Variants in XXYLT1 observed in about 807,000 individuals in gnomAD.
XXYLT1 encodes xyloside xylosyltransferase 1, also known as UDP-xylose:alpha-xyloside alpha-1,3-xylosyltransferase.
XXYLT1 carries 20 observed loss-of-function variants against 28.9 expected under a neutral mutation model. That is an observed-to-expected ratio of 0.69 (90% CI 0.49 to 1.00). The LOEUF is 1.00. Among genes scored for constraint, XXYLT1 ranks in the 50% least tolerant of loss-of-function variants. XXYLT1 has a pLI of 0.00. For missense variants in XXYLT1, 542 were observed against 560.1 expected (o/e 0.97, Z 0.33); for synonymous variants, 257 against 253.8 (o/e 1.01, Z -0.12).
intron 2 of XXYLT1, among the ~76,000 whole-genome samples, chr3:195,202,228 C>T (rs1722889622): frequency 6.6e-6 from 1 of 152,146 alleles, no homozygotes; most frequent in African/African-American, 2.4e-5. Flanking sequence ...GACTTGGTCT[C>T]TGGAGCACTG....
At chr3:195,116,895 T>C (rs1718070612) in intron 3 of XXYLT1, among the ~76,000 whole-genome samples, 1 of 151,950 alleles carries the variant, frequency 6.6e-6, no homozygotes, top group Non-Finnish European at 1.5e-5. Context: ...GATAATCCTA[T>C]ACAATAATGC....
chr3:195,211,907 T>A (rs1365541634), intron 2 of XXYLT1, among the ~76,000 whole-genome samples: 4 of 141,048 alleles, frequency 2.8e-5, no homozygotes, highest in Middle Eastern at 4.0e-3. Flanking sequence ...AGCCACAGAA[T>A]GCCACCAGGA....
At chr3:195,083,697 T>C (rs1715563345) in intron 3 of XXYLT1, among the ~76,000 whole-genome samples, 1 of 152,182 alleles carries the variant, frequency 6.6e-6, no homozygotes. Flanking sequence ...CAGTATTATT[T>C]CCATTTTACG....
chr3:195,133,312 A>C lies in XXYLT1; in HGVS notation c.785+23137T>G, dbSNP rs1297617572. ...TGGAGTACCAGCAGCTGACATCGGC[A>C]GGTGGATAACTGAGCCAGCCCTTGG... On this transcript the variant is annotated intron_variant, in intron 3 of 3. Transcript: ENST00000310380. The surrounding 1 kb of genome is among the most constrained non-coding windows in gnomAD (Gnocchi z 4.4). 6.6e-6 allele frequency among the ~76,000 whole-genome samples: 1 copy of C among 152,188 alleles called. No individual in the cohort carries two copies. The highest frequency in any genetic ancestry group is 1.5e-5 in the Non-Finnish European group (1 of 68,042).
chr3:195,182,530 C>G (rs371278819), intron 2 of XXYLT1, among the ~76,000 whole-genome samples: 2 of 152,180 alleles, frequency 1.3e-5, no homozygotes, highest in Non-Finnish European at 2.9e-5. Flanking sequence ...ACTCACTAGA[C>G]GAGCACAGTG....
intron 2 of XXYLT1, among the ~76,000 whole-genome samples, chr3:195,185,772 A>G (rs1218142757): frequency 6.6e-6 from 1 of 151,894 alleles, no homozygotes; most frequent in African/African-American, 2.4e-5. Flanking sequence ...CTTGCAAGTG[A>G]GCCCAACCCT....
chr3:195,260,105 A>C (rs562252324), intron 1 of XXYLT1: 1 of 73,712 alleles, frequency 1.4e-5, no homozygotes, highest in South Asian at 6.6e-4. Context: ...GGGCGGGGCT[A>C]GAGGAGGAAA....
intron 3 of XXYLT1, among the ~76,000 whole-genome samples, chr3:195,097,471 G>A (rs959281994): frequency 6.6e-6 from 1 of 152,160 alleles, no homozygotes; most frequent in Non-Finnish European, 1.5e-5. Context: ...TGCAAGCACT[G>A]TTGTGTTTAT....
rs1401965786 is a variant in XXYLT1, at chr3:195,109,898, GGGTGTGTGT to G, written c.786-39796_786-39788del. On this transcript the variant is annotated intron_variant, in intron 3 of 3. Coordinates refer to ENST00000310380, the MANE Select transcript of XXYLT1 (RefSeq NM_152531.5). ...GTGTGCATGTGTGTGGGTGAGGTGT[GGGTGTGTGT>G]GGTGTGTGTGGGGGTATATGTGTGT... Among the ~76,000 whole-genome samples the G allele has an allele frequency of 1.5e-4, 9 of 59,508 alleles. 2 individuals carry two copies. The South Asian group carries it at 2.6e-3, about 17-fold the overall frequency. 39.0% of individuals were successfully genotyped at this position (59,508 alleles called of 152,430 possible).
intron 3 of XXYLT1, among the ~76,000 whole-genome samples, chr3:195,073,487 C>G (rs2676910): frequency 0.2 from 29,716 of 152,174 alleles, 3,382 homozygotes; most frequent in East Asian, 0.48. Context: ...CCCCTCCCCC[C>G]CTCATGCCCA....
At chr3:195,100,579 C>T (rs1560094311) in intron 3 of XXYLT1, among the ~76,000 whole-genome samples, 1 of 152,138 alleles carries the variant, frequency 6.6e-6, no homozygotes, top group Non-Finnish European at 1.5e-5. Context: ...TCCTCCTCCT[C>T]TCTCCCTGGC....
intron 3 of XXYLT1, among the ~76,000 whole-genome samples, chr3:195,087,875 G>A (rs540506560): frequency 8.6e-4 from 130 of 152,034 alleles, no homozygotes; most frequent in Non-Finnish European, 1.6e-3. Flanking sequence ...CTTGGGAAGC[G>A]CAAGGGGTCA....
intron 2 of XXYLT1, among the ~76,000 whole-genome samples, chr3:195,212,575 C>T (rs1157421341): frequency 6.6e-6 from 1 of 152,198 alleles, no homozygotes; most frequent in Non-Finnish European, 1.5e-5. Flanking sequence ...GTGAGCATCA[C>T]CACCTGGGCT....
intron 3 of XXYLT1, among the ~76,000 whole-genome samples, chr3:195,084,806 G>A (rs921620624): frequency 3.3e-5 from 5 of 152,192 alleles, no homozygotes; most frequent in Admixed American, 3.3e-4. Flanking sequence ...GAAGAGCACA[G>A]TGAATCACAC....
intron 2 of XXYLT1, among the ~76,000 whole-genome samples, chr3:195,172,957 G>A (rs1018824954): frequency 1.2e-4 from 18 of 152,214 alleles, no homozygotes; most frequent in Non-Finnish European, 2.1e-4. Context: ...GCTTAAAGCC[G>A]TGGCTAGAGA....
intron 3 of XXYLT1, among the ~76,000 whole-genome samples, chr3:195,084,734 C>T (rs186973605): frequency 2.6e-5 from 4 of 152,306 alleles, no homozygotes; most frequent in Admixed American, 2.0e-4. Flanking sequence ...AGGACTCCAT[C>T]GGCCCCAGAA....
Position 195,180,225 on chromosome 3 carries a change from C to T in XXYLT1, c.653-23644G>A. 1 of 780,644 alleles carries T rather than the reference C, an allele frequency of 1.3e-6. No homozygotes were observed. Among genetic ancestry groups the T allele is most frequent in the South Asian group, 5.8e-5 (1 of 17,336 alleles). The allele number at this position is 780,644 out of a possible 1,614,324, so 48.4% of individuals were successfully genotyped here. ...GCACAGTCATTTCTAACGCCAGATCCCCGTCTCTGCACTGACACCGGGGGT... is the reference window on the plus strand; with the variant it reads ...GCACAGTCATTTCTAACGCCAGATCTCCGTCTCTGCACTGACACCGGGGGT... On this transcript the variant is annotated intron_variant, in intron 2 of 3. Transcript: ENST00000310380. This position sits in a 1 kb window ranked among gnomAD's most constrained non-coding sequence, Gnocchi z 5.8.
rs552573280 is a variant in XXYLT1, at chr3:195,138,857, G to GAAA, written c.785+17589_785+17591dup. ...GCAACAAAGTGAGACTCTGCCTCAG[G>GAAA]AAAAAAAAAAAAAAAAAAAAGAAAG... On this transcript the variant is annotated intron_variant, in intron 3 of 3. Coordinates refer to ENST00000310380, the MANE Select transcript of XXYLT1 (RefSeq NM_152531.5). Among the ~76,000 whole-genome samples the GAAA allele has an allele frequency of 1.2e-3, 99 of 84,114 alleles. 2 individuals are homozygous for GAAA. Among genetic ancestry groups the GAAA allele is most frequent in the South Asian group, 1.6e-3 (4 of 2,496 alleles). 55.2% of individuals were successfully genotyped at this position (84,114 alleles called of 152,430 possible). A position where few individuals can be genotyped will look rare whatever the true frequency, so the allele number is the denominator to read the frequency against.
chr3:195,199,500 A>G (rs555533960), intron 2 of XXYLT1, among the ~76,000 whole-genome samples: 3 of 151,984 alleles, frequency 2.0e-5, no homozygotes, highest in African/African-American at 7.2e-5. Flanking sequence ...AGTCCCAGCT[A>G]CTCATGAGGC....
Sources: allele counts gnomAD v4.1 joint callset (sites outside exome capture counted in the v4.1 genomes callset), GRCh38; gene constraint gnomAD v4.1.1; non-coding constraint Gnocchi (gnomAD v3.1); transcripts MANE v1.5; gene names NCBI Gene and HGNC (gene_info 2026-07-23, HGNC 2026-07-21).